Variants in C6 observed in about 807,000 individuals in gnomAD.
C6 encodes the protein complement component C6.
In C6, 101 loss-of-function variants were observed where a neutral mutation model predicts 112.9. The ratio of observed to expected loss-of-function variants is 0.89; its 90% CI spans 0.76 to 1.06. The LOEUF (loss-of-function observed/expected upper bound fraction) is 1.06. C6 is among the 50% of genes least tolerant of loss of function. The probability of loss-of-function intolerance (pLI) is 0.00; values close to 1 mark genes in which losing one functional copy is unlikely to be tolerated. For missense variants in C6, 1,202 were observed against 1,104.6 expected, an observed-to-expected ratio of 1.09 and a Z score of -1.25; for synonymous variants, 431 against 384.1, an observed-to-expected ratio of 1.12 and a Z score of -1.43.
chr5:41,144,234 A>C (rs1197602041), intron 17 of C6, among the ~76,000 whole-genome samples: 1 of 152,126 alleles, frequency 6.6e-6, no homozygotes, highest in African/African-American at 2.4e-5. Context: ...GAAGCATTTC[A>C]TAGCAACATA....
At chr5:41,214,636 G>A (rs1388308731), upstream of C6, among the ~76,000 whole-genome samples, 1 of 152,146 alleles carries the variant, frequency 6.6e-6, no homozygotes, top group Non-Finnish European at 1.5e-5. Context: ...GATTACCTGA[G>A]AAGATAAACA....
chr5:41,241,154 A>T (rs962347968), intron 1 of C6, among the ~76,000 whole-genome samples: 2 of 152,154 alleles, frequency 1.3e-5, no homozygotes, highest in Non-Finnish European at 2.9e-5. Flanking sequence ...ATGCCCCAGC[A>T]GCAGCAGGCT....
chr5:41,201,852 C>A, intron 2 of C6, 138 bp from the exon 3 acceptor site: 1 of 760,114 alleles, frequency 1.3e-6, no homozygotes, highest in Non-Finnish European at 2.3e-6. Context: ...GGCAGGTTGG[C>A]ATATATGCAG....
chr5:41,151,804 A>G (rs548264066), intron 15 of C6, among the ~76,000 whole-genome samples: 8 of 152,238 alleles, frequency 5.3e-5, no homozygotes, highest in East Asian at 3.9e-4. Context: ...AGGAAAGAAC[A>G]TATGTGCAGA....
At chr5:41,217,445 A>T (rs954233901), upstream of C6, among the ~76,000 whole-genome samples, 1 of 152,166 alleles carries the variant, frequency 6.6e-6, no homozygotes, top group Non-Finnish European at 1.5e-5. Context: ...AGAGTTTGTG[A>T]GAAAATTGCT....
chr5:41,159,186 C>T lies in C6; in HGVS notation c.1752G>A (p.Ser584=), dbSNP rs369711642. The stretch of plus-strand genomic sequence containing the variant: ...CAGGATTATTGCATTCTCGGGTTCT[C>T]GATCTCTTATAAGTAGCATCACAGG... ...WSTCDATYKR[S]RTRECNNPAP... The change falls in exon 12 of 18, where the codon TCG becomes TCA. Residue 584 remains serine, a synonymous_variant. Coordinates refer to ENST00000337836, the MANE Select transcript of C6 (RefSeq NM_000065.5). 1.4e-5 allele frequency: 22 copies of T among 1,613,422 alleles called. No homozygotes were observed. Among genetic ancestry groups the T allele is most frequent in the South Asian group, 4.4e-5 (4 of 91,068 alleles).
intron 1 of C6, among the ~76,000 whole-genome samples, chr5:41,243,035 A>G (rs1740821312): frequency 6.6e-6 from 1 of 152,318 alleles, no homozygotes; most frequent in South Asian, 2.1e-4. Flanking sequence ...AAAGTATACA[A>G]CATCTCAGAT....
At chr5:41,149,773 C>T (rs578261204) in intron 16 of C6, among the ~76,000 whole-genome samples, 162 bp downstream of exon 16, 20 of 152,142 alleles carry the variant, frequency 1.3e-4, no homozygotes, top group African/African-American at 4.8e-4. Flanking sequence ...AACTTGCTAC[C>T]CAATGGGGAA....
intron 1 of C6, among the ~76,000 whole-genome samples, chr5:41,234,338 G>GTTTTTTTTTTTTTTT (rs544459678): frequency 7.8e-6 from 1 of 127,766 alleles, no homozygotes; most frequent in African/African-American, 2.9e-5. Flanking sequence ...CTACCCTTTC[G>GTTTTTTTTTTTTTTT]TTTTTTTTTT....
intron 9 of C6, among the ~76,000 whole-genome samples, chr5:41,164,801 C>A (rs953692253): frequency 6.6e-6 from 1 of 152,022 alleles, no homozygotes; most frequent in Non-Finnish European, 1.5e-5. Flanking sequence ...TGCCCTGATT[C>A]CAGTCTAGTA....
intron 1 of C6, among the ~76,000 whole-genome samples, chr5:41,243,570 A>C (rs1002181093): frequency 5.3e-5 from 8 of 152,182 alleles, no homozygotes; most frequent in Non-Finnish European, 8.8e-5. Flanking sequence ...GGGAACAATG[A>C]GACTAGTTAC....
At chr5:41,211,389 A>C (rs908209584) in intron 1 of C6, among the ~76,000 whole-genome samples, 2 of 151,426 alleles carry the variant, frequency 1.3e-5, no homozygotes, top group African/African-American at 4.9e-5. Context: ...AAGTATAATA[A>C]AAAAAAATGA....
chr5:41,250,866 A>T (rs1457636597), intron 1 of C6, among the ~76,000 whole-genome samples: 2 of 152,216 alleles, frequency 1.3e-5, no homozygotes, highest in East Asian at 3.8e-4. Flanking sequence ...TAGGAAAGAG[A>T]TGTCACCTTC....
chr5:41,152,303 C>T (rs536223672), intron 15 of C6, among the ~76,000 whole-genome samples: 1 of 151,974 alleles, frequency 6.6e-6, no homozygotes, highest in East Asian at 1.9e-4. Context: ...GGGAGTGACA[C>T]TGGGGGTGTA....
Position 41,149,457 on chromosome 5 carries a change from A to G in C6, c.2407T>C (p.Phe803Leu). ...CSHHSEDLCV[F>L]DTDSNDYFTS... ...AAGTAATCGTTGGAGTCTGTGTCAA[A>G]CACACAGAGATCTTCTGAATGATGG... The change falls in exon 17 of 18, where the codon TTT becomes CTT. Residue 803 changes from phenylalanine (F) to leucine (L), a missense_variant. Transcript: ENST00000337836. 6.2e-7 allele frequency: 1 copy of G among 1,613,986 alleles called. No individual in the cohort carries two copies. The highest frequency in any genetic ancestry group is 8.5e-7 in the Non-Finnish European group (1 of 1,179,898).
At chr5:41,171,419 G>C (rs1384246991) in intron 9 of C6, among the ~76,000 whole-genome samples, 1 of 152,126 alleles carries the variant, frequency 6.6e-6, no homozygotes, top group African/African-American at 2.4e-5. Context: ...AGTCCTACTG[G>C]GCTATAATGT....
chr5:41,179,724 T>TG (rs1749167276), intron 7 of C6, among the ~76,000 whole-genome samples: 2 of 149,066 alleles, frequency 1.3e-5, no homozygotes, highest in African/African-American at 4.9e-5. Context: ...AATTTATACA[T>TG]AAAATGAATC....
At chr5:41,240,919 T>C (rs1282365071) in intron 1 of C6, among the ~76,000 whole-genome samples, 1 of 152,148 alleles carries the variant, frequency 6.6e-6, no homozygotes, top group Non-Finnish European at 1.5e-5. Flanking sequence ...CCAAATTGCG[T>C]GCTCGGATGA....
rs1165186531 is a variant in C6 at position 41,178,493 on chromosome 5, TGGAGAC to T, written c.928-1784_928-1779del. Among the ~76,000 whole-genome samples the T allele has an allele frequency of 1.4e-3, 76 of 55,662 alleles. 2 individuals carry two copies. In the South Asian group the frequency reaches 0.042, roughly 31 times the overall value. 36.5% of individuals were successfully genotyped at this position (55,662 alleles called of 152,430 possible). On this transcript the variant is annotated intron_variant, in intron 7 of 17. Transcript: ENST00000337836. ...TTTTTTTTTTTTTTTTTTTGTGAGA[TGGAGAC>T]AGAGCTAGCTCTGTCACCCAGGCTG...
Sources: gnomAD v4.1 joint callset for allele counts (sites outside exome capture counted in the v4.1 genomes callset) on GRCh38, gnomAD v4.1.1 for gene constraint, MANE v1.5 for transcripts, NCBI Gene and HGNC (gene_info 2026-07-23, HGNC 2026-07-21) for gene names.